Variants in ANKRD11 observed in about 807,000 individuals in gnomAD.
ANKRD11 encodes ankyrin repeat domain-containing protein 11.
A neutral mutation model predicts 195.7 loss-of-function variants in ANKRD11; 17 were observed. That is an observed-to-expected ratio of 0.09 (90% confidence interval 0.06 to 0.13). The LOEUF (loss-of-function observed/expected upper bound fraction) is 0.13. Among genes scored for constraint, ANKRD11 ranks in the 10% least tolerant of loss-of-function variants. The pLI, the probability that ANKRD11 is intolerant of heterozygous loss-of-function variation, is 1.00. For missense variants in ANKRD11, 3,735 were observed against 3,566.1 expected (o/e 1.05, Z -1.21); for synonymous variants, 1,953 against 1,528.1 (o/e 1.28, Z -6.49).
At chr16:89,403,747 G>A (rs988152292) in intron 2 of ANKRD11, 1 of 152,152 alleles carries the variant, frequency 6.6e-6, no homozygotes, top group Non-Finnish European at 1.5e-5. Context: ...CTGGGCAACA[G>A]AGCAAGCCCA....
chr16:89,353,199 G>A (rs575512980), intron 2 of ANKRD11, among the ~76,000 whole-genome samples: 4 of 151,930 alleles, frequency 2.6e-5, no homozygotes, highest in Admixed American at 6.6e-5. Flanking sequence ...AAAATTAGCC[G>A]TGCATGGTGG....
intron 1 of ANKRD11, among the ~76,000 whole-genome samples, chr16:89,432,996 T>A (rs1358600581): frequency 0.017 from 2,497 of 145,920 alleles, 72 homozygotes; most frequent in African/African-American, 0.061. Context: ...CTCTCCTCTC[T>A]CTCACACACA....
chr16:89,426,422 G>A (rs1052053609), intron 1 of ANKRD11, among the ~76,000 whole-genome samples: 3 of 152,006 alleles, frequency 2.0e-5, no homozygotes, highest in Admixed American at 6.6e-5. Flanking sequence ...CCCAACCAGC[G>A]CCGGCCGAGT....
At chr16:89,319,504 C>T (rs1275856813) in intron 2 of ANKRD11, among the ~76,000 whole-genome samples, 17 of 152,242 alleles carry the variant, frequency 1.1e-4, no homozygotes, top group Admixed American at 9.8e-4. Context: ...GCCACCTGCA[C>T]GATGACAGCT....
chr16:89,448,685 T>A (rs2043918801), intron 1 of ANKRD11, among the ~76,000 whole-genome samples: 3 of 152,176 alleles, frequency 2.0e-5, no homozygotes, highest in African/African-American at 7.2e-5. Context: ...ATTTAACATT[T>A]AAAAGTAAAG....
At chr16:89,427,596 A>C (rs949041708) in intron 1 of ANKRD11, among the ~76,000 whole-genome samples, 3 of 152,196 alleles carry the variant, frequency 2.0e-5, no homozygotes, top group Non-Finnish European at 4.4e-5. Flanking sequence ...CAGGAGTTTG[A>C]GACCAGCCTG....
At chr16:89,386,844 C>T (rs549012073) in intron 2 of ANKRD11, among the ~76,000 whole-genome samples, 1 of 152,306 alleles carries the variant, frequency 6.6e-6, no homozygotes, top group East Asian at 1.9e-4. Context: ...TCAGTCCTAT[C>T]ACAGCCAGAG....
chr16:89,344,602 C>A (rs3096296), intron 2 of ANKRD11, among the ~76,000 whole-genome samples: 70,378 of 152,098 alleles, frequency 0.46, 16,459 homozygotes, highest in Middle Eastern at 0.58. Context: ...ACAATGCAAG[C>A]GTCCGGGAGG....
At chr16:89,416,654 G>C (rs559636813) in intron 2 of ANKRD11, among the ~76,000 whole-genome samples, 52 of 151,832 alleles carry the variant, frequency 3.4e-4, no homozygotes, top group African/African-American at 1.2e-3. Flanking sequence ...TTTTGGCCAG[G>C]TGTGGTGGCT....
In ANKRD11 at chr16:89,410,249, T is replaced by C. The variant is rs192894942; in HGVS notation, c.-60+8035A>G. On this transcript the variant is annotated intron_variant, in intron 2 of 12. Transcript: ENST00000301030. ...TGGGTACGGCCCTTTGAGTGTCACCTAAAGCCTCATAACATCATCACCAAG... is the reference window on the plus strand; with the variant it reads ...TGGGTACGGCCCTTTGAGTGTCACCCAAAGCCTCATAACATCATCACCAAG... Among the ~76,000 whole-genome samples the C allele has an allele frequency of 3.9e-5, 6 of 152,300 alleles. No homozygotes were observed. The East Asian group carries it at 1.2e-3, about 29-fold the overall frequency.
chr16:89,282,676 A>AGAGCCT lies in ANKRD11; in HGVS notation c.3860_3865dup (p.Ala1288_Leu1289insGlnAla). ...GTTGGAGTCTTCTCTGTACTCATGGAGAGCCTCTTCTTCCAACTTTTCAAG... is the reference window on the plus strand; with the variant it reads ...GTTGGAGTCTTCTCTGTACTCATGGAGAGCCTGAGCCTCTTCTTCCAACTTTTCAAG... On this transcript the variant is annotated inframe_insertion, in exon 9 of 13. Transcript: ENST00000301030. The AGAGCCT allele has an allele frequency of 6.2e-7, 1 of 1,614,010 alleles. No homozygotes were observed. Among genetic ancestry groups the AGAGCCT allele is most frequent in the Non-Finnish European group, 8.5e-7 (1 of 1,180,022 alleles).
chr16:89,282,716 C>A lies in ANKRD11; in HGVS notation c.3826G>T (p.Ala1276Ser). 1 of 1,614,044 alleles carries A rather than the reference C, an allele frequency of 6.2e-7. No homozygotes were observed. Among genetic ancestry groups the A allele is most frequent in the Non-Finnish European group, 8.5e-7 (1 of 1,180,024 alleles). ...KERKSSRSAD[A>S]EKSLLEKLEE... ...AACTTTTCAAGCAGGCTTTTTTCCG[C>A]GTCGGCACTTCTCGAGGACTTCCTC... The change falls in exon 9 of 13, where the codon GCG becomes TCG. Residue 1276 changes from alanine to serine, a missense_variant. By Grantham distance (99) the Ala-to-Ser change is moderately conservative (BLOSUM62 1). Transcript: ENST00000301030.
chr16:89,370,602 A>G (rs1012292979), intron 2 of ANKRD11: 2 of 152,452 alleles, frequency 1.3e-5, no homozygotes, highest in Admixed American at 1.3e-4. Flanking sequence ...GTCACCGCAC[A>G]CATTTGACAA....
At chr16:89,486,279 A>G (rs2057611232) in intron 1 of ANKRD11, among the ~76,000 whole-genome samples, 1 of 152,068 alleles carries the variant, frequency 6.6e-6, no homozygotes, top group Non-Finnish European at 1.5e-5. Flanking sequence ...GTTTCTACAA[A>G]AAGTAAAATA....
intron 2 of ANKRD11, chr16:89,360,475 C>T (rs2152056182): frequency 6.6e-6 from 1 of 152,292 alleles, no homozygotes; most frequent in East Asian, 1.9e-4. Context: ...AAACTATATA[C>T]CACAAATCCT....
chr16:89,312,724 C>T (rs2036678478), intron 3 of ANKRD11, among the ~76,000 whole-genome samples: 1 of 152,232 alleles, frequency 6.6e-6, no homozygotes, highest in Non-Finnish European at 1.5e-5. Context: ...TCCTGCTCCT[C>T]CCGAAGCATG....
intron 1 of ANKRD11, among the ~76,000 whole-genome samples, chr16:89,469,796 G>C (rs922971713): frequency 9.9e-6 from 1 of 101,498 alleles, no homozygotes; most frequent in Admixed American, 1.1e-4. Context: ...CTACTCGGGA[G>C]GCTGAGGCAG....
chr16:89,414,608 G>A (rs140701954), intron 2 of ANKRD11, among the ~76,000 whole-genome samples: 7 of 152,318 alleles, frequency 4.6e-5, no homozygotes, highest in South Asian at 2.1e-4. Context: ...AGATACGACC[G>A]TGACCACTGT....
At chr16:89,453,131 C>T (rs575507897) in intron 1 of ANKRD11, among the ~76,000 whole-genome samples, 134 of 152,182 alleles carry the variant, frequency 8.8e-4, no homozygotes, top group Non-Finnish European at 1.4e-3. Context: ...TTGTTGTTGC[C>T]GTTTTCATAA....
Sources: allele counts gnomAD v4.1 joint callset (sites outside exome capture counted in the v4.1 genomes callset), GRCh38; gene constraint gnomAD v4.1.1; transcripts MANE v1.5; gene names NCBI Gene and HGNC (gene_info 2026-07-23, HGNC 2026-07-21).